PCDH9: variants seen among roughly 807,000 people sequenced by gnomAD.
PCDH9 encodes the protein protocadherin 9.
PCDH9 carries 24 observed loss-of-function variants against 70.6 expected under a neutral mutation model. The ratio of observed to expected loss-of-function variants is 0.34; its 90% CI spans 0.25 to 0.48. The LOEUF (loss-of-function observed/expected upper bound fraction) is 0.48, where lower values mean the gene tolerates loss of function less well. Ranked by LOEUF, PCDH9 falls within the 20% of genes least tolerant of loss-of-function variation. The pLI, the probability that PCDH9 is intolerant of heterozygous loss-of-function variation, is 0.99. For synonymous variants in PCDH9, 562 were observed against 558.5 expected (o/e 1.01, Z -0.09); for missense variants, 1,281 against 1,503.6 (o/e 0.85, Z 2.45).
intron 2 of PCDH9, among the ~76,000 whole-genome samples, chr13:66,951,780 G>A (rs145123989): frequency 1.6e-4 from 25 of 152,246 alleles, no homozygotes; most frequent in African/African-American, 3.1e-4. Flanking sequence ...TAGTTTGGAG[G>A]TTACATGTTC....
chr13:67,046,013 CA>C (rs1016055041), intron 2 of PCDH9, among the ~76,000 whole-genome samples: 1 of 152,038 alleles, frequency 6.6e-6, no homozygotes, highest in Non-Finnish European at 1.5e-5. Flanking sequence ...TCATTCACCC[CA>C]AATATAAACT....
intron 4 of PCDH9, among the ~76,000 whole-genome samples, chr13:66,413,505 T>G (rs1957407673): frequency 6.6e-6 from 1 of 151,808 alleles, no homozygotes; most frequent in African/African-American, 2.4e-5. Flanking sequence ...GCTAACACGG[T>G]GAAACCCCGT....
chr13:66,744,239 T>A (rs548478062), intron 3 of PCDH9, among the ~76,000 whole-genome samples: 48 of 152,150 alleles, frequency 3.2e-4, no homozygotes, highest in Non-Finnish European at 5.7e-4. Flanking sequence ...AATTCACATA[T>A]CCCTGGAGAA....
intron 2 of PCDH9, among the ~76,000 whole-genome samples, chr13:67,009,020 T>A (rs969309625): frequency 2.0e-5 from 3 of 152,076 alleles, no homozygotes; most frequent in Non-Finnish European, 4.4e-5. Flanking sequence ...CAAAACTATT[T>A]TATTTTTATT....
At chr13:66,482,511 A>C (rs1186904693) in intron 4 of PCDH9, among the ~76,000 whole-genome samples, 2 of 152,208 alleles carry the variant, frequency 1.3e-5, no homozygotes, top group African/African-American at 4.8e-5. Context: ...TGTCTCAAAA[A>C]ATAGAATCAA....
intron 3 of PCDH9, among the ~76,000 whole-genome samples, chr13:66,720,660 G>T (rs2078930940): frequency 6.6e-6 from 1 of 151,828 alleles, no homozygotes; most frequent in African/African-American, 2.4e-5. Flanking sequence ...GATTTTAGGG[G>T]GCAAATCTGG....
intron 4 of PCDH9, among the ~76,000 whole-genome samples, chr13:66,510,547 C>T (rs868605425): frequency 2.0e-5 from 3 of 151,940 alleles, no homozygotes; most frequent in African/African-American, 4.8e-5. Flanking sequence ...TGTGTGATGT[C>T]CCCCTTCCTG....
rs538771519 is a variant in PCDH9 at position 66,647,098 on chromosome 13, A to G, written c.3139-15687T>C. Among the ~76,000 whole-genome samples, 7 of 152,212 alleles carry G rather than the reference A, an allele frequency of 4.6e-5. 1 individual carries two copies. The South Asian group carries it at 1.0e-3, about 23-fold the overall frequency. Reference sequence around the variant, plus strand: ...TAAAGTGCTCTGGAGTGCTAAATAAACTTGAAAGGCAGTCTAGGCCACAGG... The same window carrying G: ...TAAAGTGCTCTGGAGTGCTAAATAAGCTTGAAAGGCAGTCTAGGCCACAGG... On this transcript the variant is annotated intron_variant, in intron 3 of 4. Coordinates refer to ENST00000377865, the MANE Select transcript of PCDH9 (RefSeq NM_203487.3).
Position 66,725,886 on chromosome 13 carries a change from T to C in PCDH9, c.3139-94475A>G, listed in dbSNP as rs555470278. The stretch of plus-strand genomic sequence containing the variant: ...TAAGGAAAAGTATCATTTCCATTAT[T>C]ATCACTTTTCTACAGCCTGTAGAGT... On this transcript the variant is annotated intron_variant, in intron 3 of 4. Coordinates refer to ENST00000377865, the MANE Select transcript of PCDH9 (RefSeq NM_203487.3). 7.2e-5 allele frequency among the ~76,000 whole-genome samples: 11 copies of C among 152,298 alleles called. No individual in the cohort carries two copies. In the East Asian group the frequency reaches 2.1e-3, roughly 29 times the overall value.
At chr13:66,981,799 ATAT>A (rs2083776417) in intron 2 of PCDH9, among the ~76,000 whole-genome samples, 1 of 152,186 alleles carries the variant, frequency 6.6e-6, no homozygotes, top group Non-Finnish European at 1.5e-5. Flanking sequence ...AATACATAAA[ATAT>A]TATTAAATAC....
chr13:66,385,058 T>C (rs981066250), intron 4 of PCDH9, among the ~76,000 whole-genome samples: 1 of 152,196 alleles, frequency 6.6e-6, no homozygotes, highest in South Asian at 2.1e-4. Context: ...TGCTTTATTC[T>C]CTATGTATTT....
chr13:66,758,934 C>G (rs973068835), intron 3 of PCDH9, among the ~76,000 whole-genome samples: 1 of 151,952 alleles, frequency 6.6e-6, no homozygotes, highest in Admixed American at 6.6e-5. Context: ...TAATCTCTTA[C>G]AAAACTTTGT....
intron 3 of PCDH9, among the ~76,000 whole-genome samples, chr13:66,708,296 G>A (rs563289715): frequency 1.4e-4 from 22 of 151,838 alleles, no homozygotes; most frequent in South Asian, 4.2e-4. Context: ...TGATCCGCCC[G>A]CCTCGGCCTC....
chr13:66,713,795 A>G (rs1300926919), intron 3 of PCDH9, among the ~76,000 whole-genome samples: 2 of 151,784 alleles, frequency 1.3e-5, no homozygotes, highest in Non-Finnish European at 2.9e-5. Context: ...AGCTTACTCA[A>G]CATGAAGACA....
At chr13:66,865,319 C>T (rs923675491) in intron 3 of PCDH9, among the ~76,000 whole-genome samples, 2 of 152,030 alleles carry the variant, frequency 1.3e-5, no homozygotes, top group African/African-American at 4.8e-5. Flanking sequence ...AATAATGTAC[C>T]AACAGGCCAT....
At chr13:66,984,355 A>G (rs948879276) in intron 2 of PCDH9, among the ~76,000 whole-genome samples, 10 of 152,192 alleles carry the variant, frequency 6.6e-5, no homozygotes, top group African/African-American at 1.9e-4. Context: ...TAAGATAGCT[A>G]TAGTCTACAT....
chr13:67,049,711 G>A (rs1042896973), intron 2 of PCDH9, among the ~76,000 whole-genome samples: 1 of 152,098 alleles, frequency 6.6e-6, no homozygotes, highest in African/African-American at 2.4e-5. Context: ...TATTTACCTT[G>A]CCAGTCTAAG....
chr13:66,515,136 G>C (rs1959670657), intron 4 of PCDH9, among the ~76,000 whole-genome samples: 1 of 152,044 alleles, frequency 6.6e-6, no homozygotes, highest in Non-Finnish European at 1.5e-5. Context: ...TCAGAAAGGA[G>C]TTGTGGGGAA....
intron 2 of PCDH9, among the ~76,000 whole-genome samples, chr13:67,175,960 TG>T (rs2088440744): frequency 6.7e-6 from 1 of 148,198 alleles, no homozygotes; most frequent in East Asian, 2.0e-4. Flanking sequence ...AAAAAAAAAC[TG>T]GTCTGTTCAT....
Sources: allele counts gnomAD v4.1 joint callset (sites outside exome capture counted in the v4.1 genomes callset), GRCh38; gene constraint gnomAD v4.1.1; transcripts MANE v1.5; gene names NCBI Gene and HGNC (gene_info 2026-07-23, HGNC 2026-07-21).